The following CPT1A variants were observed in gnomAD, a reference collection of about 807,000 sequenced individuals.
CPT1A encodes the protein carnitine O-palmitoyltransferase 1, liver isoform.
CPT1A carries 64 observed loss-of-function variants against 100.8 expected under a neutral mutation model. The observed-to-expected ratio is 0.63, with a 90% CI of 0.52 to 0.78. CPT1A has a LOEUF of 0.78. CPT1A is among the 30% of genes least tolerant of loss of function. The pLI, the probability that CPT1A is intolerant of heterozygous loss-of-function variation, is 0.00. For missense variants in CPT1A, 802 were observed against 1,034.1 expected (o/e 0.78, Z 3.08); for synonymous variants, 363 against 396.0 (o/e 0.92, Z 0.99).
At chr11:68,838,611 TCACCG>T (rs1185533330) in intron 1 of CPT1A, among the ~76,000 whole-genome samples, 1 of 109,982 alleles carries the variant, frequency 9.1e-6, no homozygotes, top group African/African-American at 3.8e-5. Flanking sequence ...GGTCTGGCTG[TCACCG>T]AGGCTGGAGC....
chr11:68,780,352 G>A (rs939973602), intron 12 of CPT1A, among the ~76,000 whole-genome samples: 1 of 152,072 alleles, frequency 6.6e-6, no homozygotes, highest in Non-Finnish European at 1.5e-5. Flanking sequence ...GCACGATCTC[G>A]GCTCACTGCA....
chr11:68,758,557 G>A (rs1946737960), intron 18 of CPT1A, among the ~76,000 whole-genome samples: 1 of 151,566 alleles, frequency 6.6e-6, no homozygotes, highest in African/African-American at 2.4e-5. Flanking sequence ...CCAACGTTAA[G>A]CTTCAAAACC....
chr11:68,789,186 A>G (rs188136085), intron 9 of CPT1A, among the ~76,000 whole-genome samples: 138 of 152,318 alleles, frequency 9.1e-4, no homozygotes, highest in Non-Finnish European at 1.6e-3. Context: ...TTATAGCAAT[A>G]TATATTATTA....
At chr11:68,808,913 C>G (rs1291364076) in intron 3 of CPT1A, among the ~76,000 whole-genome samples, 1 of 148,658 alleles carries the variant, frequency 6.7e-6, no homozygotes, top group Non-Finnish European at 1.5e-5. Context: ...CGAGACCAGC[C>G]TGGACAACAT....
chr11:68,829,821 C>A (rs1050737328), intron 1 of CPT1A, among the ~76,000 whole-genome samples: 1 of 151,854 alleles, frequency 6.6e-6, no homozygotes, highest in Non-Finnish European at 1.5e-5. Context: ...GGCAACACCC[C>A]GGCGGCCTCC....
chr11:68,785,608 A>AC (rs1472168693), intron 9 of CPT1A: 1 of 39,578 alleles, frequency 2.5e-5, no homozygotes, highest in Non-Finnish European at 5.7e-5. Context: ...GAATATTATC[A>AC]TTAAAAAAAA....
chr11:68,778,619 C>T (rs1006093413), intron 12 of CPT1A, among the ~76,000 whole-genome samples: 5 of 151,156 alleles, frequency 3.3e-5, no homozygotes, highest in African/African-American at 4.9e-5. Context: ...TCACTTGAAC[C>T]GGGGAGGCAG....
chr11:68,787,482 C>A (rs190814346), intron 9 of CPT1A, among the ~76,000 whole-genome samples: 90 of 151,320 alleles, frequency 5.9e-4, no homozygotes, highest in African/African-American at 2.1e-3. Flanking sequence ...TTTATAAAAA[C>A]CTTTCATGTT....
At chr11:68,808,475 G>T (rs1221988577) in intron 3 of CPT1A, among the ~76,000 whole-genome samples, 1 of 151,094 alleles carries the variant, frequency 6.6e-6, no homozygotes, top group East Asian at 2.0e-4. Flanking sequence ...AGGTTTAAAT[G>T]ATTCTCCCAT....
intron 9 of CPT1A, among the ~76,000 whole-genome samples, chr11:68,789,199 T>C (rs1487069164): frequency 6.6e-6 from 1 of 152,164 alleles, no homozygotes; most frequent in Admixed American, 6.6e-5. Context: ...TATTATTAAA[T>C]AGAAAAATGC....
In CPT1A at chr11:68,775,166, G is replaced by A. The variant is rs566770564; in HGVS notation, c.1575+150C>T. 5.3e-5 allele frequency: 36 copies of A among 683,370 alleles called. No individual in the cohort carries two copies. In the African/African-American group the frequency reaches 5.3e-4, roughly 10 times the overall value. 42.3% of individuals were successfully genotyped at this position (683,370 alleles called of 1,614,324 possible). ...AGCTGTGACAGCCCCGCAGACCCAC[G>A]GAACTCCCTGAGCAAACAACTTTCA... On this transcript the variant is annotated intron_variant, in intron 13 of 18. Transcript: ENST00000265641.
At chr11:68,784,564 T>C (rs1199254438) in intron 10 of CPT1A, among the ~76,000 whole-genome samples, 2 of 151,840 alleles carry the variant, frequency 1.3e-5, no homozygotes, top group African/African-American at 4.8e-5. Context: ...TAATCCTCAC[T>C]TCTCCCTGTC....
At chr11:68,843,308 A>C (rs1362583800), upstream of CPT1A, among the ~76,000 whole-genome samples, 1 of 151,734 alleles carries the variant, frequency 6.6e-6, no homozygotes, top group Non-Finnish European at 1.5e-5. The surrounding 1 kb of genome is among the most constrained non-coding windows in gnomAD (Gnocchi z 4.0). Context: ...ATTTCCTTTG[A>C]CTATGCTGTG....
chr11:68,827,952 G>A (rs1856774482), intron 1 of CPT1A, among the ~76,000 whole-genome samples: 1 of 152,192 alleles, frequency 6.6e-6, no homozygotes, highest in Non-Finnish European at 1.5e-5. Context: ...CCCTGCTGGG[G>A]CTCAGGGAAC....
chr11:68,836,631 G>C (rs1594381945), intron 1 of CPT1A, among the ~76,000 whole-genome samples: 1 of 152,098 alleles, frequency 6.6e-6, no homozygotes, highest in African/African-American at 2.4e-5. Context: ...AATTAGGCAG[G>C]CATGGTGGCA....
chr11:68,788,973 T>C (rs993723202), intron 9 of CPT1A, among the ~76,000 whole-genome samples: 2 of 152,046 alleles, frequency 1.3e-5, no homozygotes, highest in African/African-American at 2.4e-5. Flanking sequence ...GACCAATGCA[T>C]GCAGGGGAGA....
At chr11:68,782,813 C>G (rs894969427) in intron 10 of CPT1A, among the ~76,000 whole-genome samples, 2 of 152,212 alleles carry the variant, frequency 1.3e-5, no homozygotes, top group African/African-American at 4.8e-5. Context: ...TCAGTGCACC[C>G]CGCTCGGGGA....
At chr11:68,782,596 G>GTGAT (rs776421083) in intron 10 of CPT1A, among the ~76,000 whole-genome samples, 65 of 152,290 alleles carry the variant, frequency 4.3e-4, no homozygotes, top group Middle Eastern at 3.4e-3. Context: ...CAGAACTGGT[G>GTGAT]TGATGCCCAC....
At position 68,773,564 on chromosome 11, in the gene CPT1A, C is replaced by T. The variant is rs941487050; in HGVS notation, c.1576-135G>A. ...GGGAAGTACACAAACGTTTTCCTGA[C>T]CCAGAAGCCCTAGTAAGTTAGGGGC... On this transcript the variant is annotated intron_variant, in intron 13 of 18. Coordinates refer to ENST00000265641, the MANE Select transcript of CPT1A (RefSeq NM_001876.4). The T allele has an allele frequency of 1.0e-5, 15 of 1,497,226 alleles. No individual in the cohort carries two copies. In the South Asian group the frequency reaches 1.8e-4, roughly 18 times the overall value. The allele number at this position is 1,497,226 out of a possible 1,614,324, so 92.7% of individuals were successfully genotyped here.
Sources: gnomAD v4.1 joint callset for allele counts (sites outside exome capture counted in the v4.1 genomes callset) on GRCh38, gnomAD v4.1.1 for gene constraint, Gnocchi (gnomAD v3.1) non-coding constraint, MANE v1.5 for transcripts, NCBI Gene and HGNC (gene_info 2026-07-23, HGNC 2026-07-21) for gene names.